DOCK5: variants seen among roughly 807,000 people sequenced by gnomAD.
The protein encoded by DOCK5 is dedicator of cytokinesis protein 5.
DOCK5 carries 142 observed loss-of-function variants against 251.8 expected under a neutral mutation model. The observed-to-expected ratio is 0.56, with a 90% CI of 0.49 to 0.65. DOCK5 has a LOEUF of 0.65. Ranked by LOEUF, DOCK5 falls within the 30% of genes least tolerant of loss-of-function variation. The pLI, the probability that DOCK5 is intolerant of heterozygous loss-of-function variation, is 0.00. For synonymous variants in DOCK5, 842 were observed against 835.5 expected, an observed-to-expected ratio of 1.01 and a Z score of -0.13; for missense variants, 2,111 against 2,312.3, an observed-to-expected ratio of 0.91 and a Z score of 1.79.
chr8:25,316,734 A>G (rs1053326625), intron 13 of DOCK5, among the ~76,000 whole-genome samples: 1 of 152,182 alleles, frequency 6.6e-6, no homozygotes, highest in African/African-American at 2.4e-5. Context: ...AATATATACT[A>G]TGTATTTATT....
rs917094172 is a variant in DOCK5, at chr8:25,368,360, G to A, written c.3283+110G>A. On this transcript the variant is annotated intron_variant, in intron 32 of 51. Coordinates refer to ENST00000276440, the MANE Select transcript of DOCK5 (RefSeq NM_024940.8). Reference sequence around the variant, plus strand: ...AGATAACCCTGAGATGTATTTGTCTGTGTGTCTGGAAGTGAAAGTTGATTT... The same window carrying A: ...AGATAACCCTGAGATGTATTTGTCTATGTGTCTGGAAGTGAAAGTTGATTT... The A allele has an allele frequency of 1.1e-5, 13 of 1,186,038 alleles. No individual in the cohort carries two copies. In the African/African-American group the frequency reaches 1.7e-4, roughly 16 times the overall value. 73.5% of individuals were successfully genotyped at this position (1,186,038 alleles called of 1,614,324 possible).
chr8:25,340,020 A>C (rs1805913514), intron 22 of DOCK5, among the ~76,000 whole-genome samples: 1 of 152,136 alleles, frequency 6.6e-6, no homozygotes, highest in Non-Finnish European at 1.5e-5. Context: ...GTTGGGTTTG[A>C]TGGGGCAATG....
chr8:25,252,539 G>A (rs569225402), intron 2 of DOCK5, among the ~76,000 whole-genome samples: 1 of 152,228 alleles, frequency 6.6e-6, no homozygotes, highest in African/African-American at 2.4e-5. Context: ...GCATTAGCCT[G>A]GAAAGCAGAT....
Position 25,334,930 on chromosome 8 carries a change from C to T in DOCK5, c.2192+734C>T, listed in dbSNP as rs187624822. Among the ~76,000 whole-genome samples, 365 of 152,234 alleles carry T rather than the reference C, an allele frequency of 2.4e-3. 6 individuals are homozygous for T. The highest frequency in any genetic ancestry group is 8.4e-3 in the African/African-American group (348 of 41,550). ...CAGGATATGAGAAGATTTCGTTTTCCCATCTTTTGCATAAGAGGCAGTGGT... is the reference window on the plus strand; with the variant it reads ...CAGGATATGAGAAGATTTCGTTTTCTCATCTTTTGCATAAGAGGCAGTGGT... On this transcript the variant is annotated intron_variant, in intron 21 of 51. Transcript: ENST00000276440.
intron 1 of DOCK5, among the ~76,000 whole-genome samples, chr8:25,228,309 T>C (rs1802581433): frequency 6.6e-6 from 1 of 152,236 alleles, no homozygotes; most frequent in Non-Finnish European, 1.5e-5. Flanking sequence ...TCTAACTTAA[T>C]ACCCATACAT....
intron 3 of DOCK5, among the ~76,000 whole-genome samples, chr8:25,271,777 G>A (rs1415161899): frequency 6.6e-6 from 1 of 152,166 alleles, no homozygotes; most frequent in Non-Finnish European, 1.5e-5. Context: ...AGGAGAAGCA[G>A]AACTGAGAGA....
chr8:25,311,806 C>T (rs1298531381), intron 13 of DOCK5, among the ~76,000 whole-genome samples: 1 of 151,520 alleles, frequency 6.6e-6, no homozygotes, highest in Non-Finnish European at 1.5e-5. Context: ...CCTGTAGTCC[C>T]AGCTACTCAG....
At chr8:25,372,223 G>C (rs1800885618) in intron 34 of DOCK5, among the ~76,000 whole-genome samples, 1 of 152,196 alleles carries the variant, frequency 6.6e-6, no homozygotes, top group South Asian at 2.1e-4. Context: ...TTGAGCAAGG[G>C]TTTGTTGACT....
chr8:25,353,145 T>C (rs1430636603), intron 27 of DOCK5, among the ~76,000 whole-genome samples: 1 of 152,154 alleles, frequency 6.6e-6, no homozygotes, highest in Non-Finnish European at 1.5e-5. Context: ...GAGACTGGCC[T>C]GGGCAACACA....
chr8:25,362,947 A>G, intron 28 of DOCK5, 100 bp from the exon 29 acceptor site: 1 of 833,090 alleles, frequency 1.2e-6, no homozygotes, highest in South Asian at 1.6e-5. Flanking sequence ...GGGGCTAGGA[A>G]CATCCTGTTC....
chr8:25,256,642 A>AC (rs1241380602), intron 2 of DOCK5, among the ~76,000 whole-genome samples: 1 of 151,048 alleles, frequency 6.6e-6, no homozygotes, highest in Non-Finnish European at 1.5e-5. Flanking sequence ...CCATCTCAAA[A>AC]AAAAAAAAAA....
intron 2 of DOCK5, among the ~76,000 whole-genome samples, chr8:25,267,924 A>G (rs1209961401): frequency 6.6e-6 from 1 of 151,390 alleles, no homozygotes; most frequent in African/African-American, 2.4e-5. Context: ...GTGCAGTGGT[A>G]TAATCTCGGC....
chr8:25,366,202 C>A (rs961824981), intron 30 of DOCK5, among the ~76,000 whole-genome samples: 17 of 152,080 alleles, frequency 1.1e-4, no homozygotes, highest in African/African-American at 3.4e-4. Flanking sequence ...TAAAAATATT[C>A]GTGCTTGGCT....
intron 47 of DOCK5, among the ~76,000 whole-genome samples, chr8:25,401,879 C>T (rs906367461): frequency 4.6e-5 from 7 of 152,228 alleles, no homozygotes; most frequent in South Asian, 2.1e-4. Context: ...ACAGTTTTCA[C>T]GCCTTTGAAG....
intron 1 of DOCK5, among the ~76,000 whole-genome samples, chr8:25,192,818 A>G (rs1358696165): frequency 2.6e-5 from 4 of 151,458 alleles, no homozygotes; most frequent in Non-Finnish European, 4.4e-5. Context: ...AGCCTATACT[A>G]TTTTCTATGT....
At chr8:25,374,534 C>A in intron 36 of DOCK5, 30 bp from the exon 37 acceptor site, 1 of 1,583,666 alleles carries the variant, frequency 6.3e-7, no homozygotes, top group Non-Finnish European at 8.6e-7. Flanking sequence ...TCTCGAGTGA[C>A]AAAATGCTTC....
intron 2 of DOCK5, among the ~76,000 whole-genome samples, chr8:25,268,010 A>G (rs1174470844): frequency 6.6e-6 from 1 of 151,814 alleles, no homozygotes; most frequent in Non-Finnish European, 1.5e-5. Flanking sequence ...TTACAGGGGC[A>G]CACCACCACA....
rs528739750 is a variant in DOCK5 at position 25,320,885 on chromosome 8, G to A, written c.1543-95G>A. ...ATCTCACTCTCTAGTAATTTGTGCT[G>A]TGGAAAGTATAAAATTGAGCCTAAT... On this transcript the variant is annotated intron_variant, in intron 15 of 51. Transcript: ENST00000276440. 1.9e-5 allele frequency: 20 copies of A among 1,065,428 alleles called. No homozygotes were observed. In the African/African-American group the frequency reaches 2.0e-4, roughly 11 times the overall value. The allele number at this position is 1,065,428 out of a possible 1,614,324, so 66.0% of individuals were successfully genotyped here.
At chr8:25,338,701 T>G (rs1384213769) in intron 22 of DOCK5, among the ~76,000 whole-genome samples, 1 of 152,224 alleles carries the variant, frequency 6.6e-6, no homozygotes, top group East Asian at 1.9e-4. Context: ...GTATTCAGAA[T>G]GGTTGGGGCA....
Sources: allele counts gnomAD v4.1 joint callset (sites outside exome capture counted in the v4.1 genomes callset), GRCh38; gene constraint gnomAD v4.1.1; transcripts MANE v1.5; gene names NCBI Gene and HGNC (gene_info 2026-07-23, HGNC 2026-07-21).